Variants in ARL3 observed in about 807,000 individuals in gnomAD.
The protein encoded by ARL3 is ARF like GTPase 3.
In ARL3, 9 loss-of-function variants were observed where a neutral mutation model predicts 26.0. The observed-to-expected ratio is 0.35, with a 90% CI of 0.21 to 0.60. The LOEUF (loss-of-function observed/expected upper bound fraction) is 0.60. Among genes scored for constraint, ARL3 ranks in the 20% least tolerant of loss-of-function variants. ARL3 has a pLI of 0.78. For synonymous variants in ARL3, 71 were observed against 78.4 expected, an observed-to-expected ratio of 0.91 and a Z score of 0.50; for missense variants, 158 against 215.7, an observed-to-expected ratio of 0.73 and a Z score of 1.67.
intron 1 of ARL3, among the ~76,000 whole-genome samples, chr10:102,712,460 ATTG>A (rs2064347514): frequency 6.6e-6 from 1 of 152,212 alleles, no homozygotes. Context: ...TTAATTTCTT[ATTG>A]TTCATCTTAG....
chr10:102,714,077 C>T (rs994188276), intron 1 of ARL3, among the ~76,000 whole-genome samples, 196 bp downstream of exon 1: 3 of 152,262 alleles, frequency 2.0e-5, no homozygotes, highest in African/African-American at 4.8e-5. Context: ...CCGCCTTCCT[C>T]TCCAGGCCCA....
chr10:102,680,004 T>A (rs2064147556), intron 5 of ARL3, among the ~76,000 whole-genome samples: 1 of 152,082 alleles, frequency 6.6e-6, no homozygotes, highest in South Asian at 2.1e-4. Context: ...CAGGCTGGAG[T>A]GCAGTGGCAT....
At chr10:102,687,290 G>A (rs1286836626) in intron 4 of ARL3, among the ~76,000 whole-genome samples, 1 of 151,964 alleles carries the variant, frequency 6.6e-6, no homozygotes, top group African/African-American at 2.4e-5. Flanking sequence ...CTGGAGTGCA[G>A]TGGTGCGATC....
At chr10:102,706,233 C>T (rs976995164) in intron 1 of ARL3, among the ~76,000 whole-genome samples, 3 of 152,046 alleles carry the variant, frequency 2.0e-5, no homozygotes, top group Middle Eastern at 3.2e-3. Flanking sequence ...GGGCGGATCA[C>T]GAGGTCAGGA....
At chr10:102,711,567 T>G (rs373265575) in intron 1 of ARL3, among the ~76,000 whole-genome samples, 7 of 151,946 alleles carry the variant, frequency 4.6e-5, no homozygotes, top group Non-Finnish European at 7.4e-5. Context: ...CTGGCTAACA[T>G]GGTGAAACCC....
intron 5 of ARL3, among the ~76,000 whole-genome samples, chr10:102,680,483 T>C (rs866592094): frequency 2.0e-5 from 3 of 152,080 alleles, no homozygotes; most frequent in Non-Finnish European, 2.9e-5. Flanking sequence ...GAAATAAAGT[T>C]TCCTATGTCA....
chr10:102,689,658 CCT>C (rs577378324), intron 4 of ARL3, among the ~76,000 whole-genome samples: 194 of 151,962 alleles, frequency 1.3e-3, no homozygotes, highest in African/African-American at 4.3e-3. Flanking sequence ...GTGGTGAAAC[CCT>C]CTCTCTACTA....
chr10:102,713,519 G>A (rs2064359950), intron 1 of ARL3, among the ~76,000 whole-genome samples: 2 of 152,180 alleles, frequency 1.3e-5, no homozygotes, highest in South Asian at 2.1e-4. Context: ...AAAAGGTTTC[G>A]AAGGAAATTC....
At chr10:102,701,580 T>C (rs1428770789) in intron 2 of ARL3, among the ~76,000 whole-genome samples, 1 of 152,218 alleles carries the variant, frequency 6.6e-6, no homozygotes, top group East Asian at 1.9e-4. Flanking sequence ...CTGGCAAAAC[T>C]ACTTTAGTGT....
At chr10:102,692,642 C>T (rs2064224911) in intron 3 of ARL3, among the ~76,000 whole-genome samples, 1 of 152,152 alleles carries the variant, frequency 6.6e-6, no homozygotes, top group Admixed American at 6.5e-5. Flanking sequence ...CCTCGAACTC[C>T]TGACCTCAGG....
At chr10:102,704,341 T>A (rs1479179685) in intron 2 of ARL3, among the ~76,000 whole-genome samples, 2 of 151,990 alleles carry the variant, frequency 1.3e-5, no homozygotes, top group African/African-American at 2.4e-5. Flanking sequence ...GATAAAGCTA[T>A]TTTTTAAAAA....
intron 3 of ARL3, among the ~76,000 whole-genome samples, chr10:102,691,272 C>A (rs1349050137): frequency 8.9e-6 from 1 of 112,834 alleles, no homozygotes; most frequent in African/African-American, 3.4e-5. Context: ...TCCCTCCCCC[C>A]TCCCCCCACC....
intron 1 of ARL3, among the ~76,000 whole-genome samples, chr10:102,713,873 G>A (rs960879227): frequency 6.6e-6 from 1 of 152,226 alleles, no homozygotes; most frequent in South Asian, 2.1e-4. Flanking sequence ...GGCTCCAGAC[G>A]AACCCCACTT....
chr10:102,697,959 T>C lies in ARL3; in HGVS notation c.264+1414A>G, dbSNP rs934759249. On this transcript the variant is annotated intron_variant, in intron 3 of 5. Coordinates refer to ENST00000260746, the MANE Select transcript of ARL3 (RefSeq NM_004311.4). ...AGGCTCAAGAGTAACTAGGAGGAGA[T>C]AAAGCAAAGACAGAGAGCATAACAA... 5.9e-5 allele frequency among the ~76,000 whole-genome samples: 9 copies of C among 152,094 alleles called. No homozygotes were observed. The South Asian group carries it at 1.5e-3, about 25-fold the overall frequency.
chr10:102,689,537 A>T (rs1400141096), intron 4 of ARL3, among the ~76,000 whole-genome samples: 1 of 151,884 alleles, frequency 6.6e-6, no homozygotes. Flanking sequence ...ATTAGTATTT[A>T]AAAAATATAC....
intron 5 of ARL3, among the ~76,000 whole-genome samples, chr10:102,684,305 C>A (rs748267533): frequency 2.0e-5 from 3 of 151,936 alleles, no homozygotes; most frequent in Non-Finnish European, 2.9e-5. Flanking sequence ...CCCGCCACCA[C>A]ACCCGGCTAA....
intron 1 of ARL3, among the ~76,000 whole-genome samples, chr10:102,709,498 T>G (rs1473442398): frequency 7.0e-6 from 1 of 143,192 alleles, no homozygotes. Context: ...AAAAAAAAAA[T>G]TATCCAGGTG....
intron 3 of ARL3, among the ~76,000 whole-genome samples, chr10:102,698,250 G>A (rs1038025174): frequency 6.6e-6 from 1 of 151,638 alleles, no homozygotes; most frequent in African/African-American, 2.4e-5. Flanking sequence ...CTTCCAGGCT[G>A]GAGTGTGGTG....
intron 5 of ARL3, among the ~76,000 whole-genome samples, chr10:102,678,347 A>G (rs980473910): frequency 1.3e-5 from 2 of 152,200 alleles, no homozygotes; most frequent in Non-Finnish European, 2.9e-5. Context: ...CAATTTTAAG[A>G]CCATTTTATG....
Sources: allele counts gnomAD v4.1 joint callset (sites outside exome capture counted in the v4.1 genomes callset), GRCh38; gene constraint gnomAD v4.1.1; transcripts MANE v1.5; gene names NCBI Gene and HGNC (gene_info 2026-07-23, HGNC 2026-07-21).